ANKRD13C: variants seen among roughly 807,000 people sequenced by gnomAD.
The protein encoded by ANKRD13C is ankyrin repeat domain-containing protein 13C.
ANKRD13C carries 16 observed loss-of-function variants against 65.5 expected under a neutral mutation model. The ratio of observed to expected loss-of-function variants is 0.24; its 90% CI spans 0.17 to 0.37. ANKRD13C has a LOEUF of 0.37. Among genes scored for constraint, ANKRD13C ranks in the 10% least tolerant of loss-of-function variants. The probability of loss-of-function intolerance (pLI) is 1.00; values close to 1 mark genes in which losing one functional copy is unlikely to be tolerated. For synonymous variants in ANKRD13C, 235 were observed against 238.7 expected, an observed-to-expected ratio of 0.98 and a Z score of 0.14; for missense variants, 503 against 655.9, an observed-to-expected ratio of 0.77 and a Z score of 2.55.
At chr1:70,293,614 T>A in intron 8 of ANKRD13C, 1 of 955,400 alleles carries the variant, frequency 1.0e-6, no homozygotes, top group Non-Finnish European at 1.2e-6. Flanking sequence ...AAGTGATCCA[T>A]CTAATGCTGC....
intron 9 of ANKRD13C, among the ~76,000 whole-genome samples, chr1:70,280,687 C>T (rs1218198216): frequency 6.6e-6 from 1 of 152,188 alleles, no homozygotes; most frequent in African/African-American, 2.4e-5. Context: ...ACTATATAAC[C>T]TCAGAGGGTT....
chr1:70,310,205 T>C (rs61782669), intron 5 of ANKRD13C, among the ~76,000 whole-genome samples: 24,576 of 152,182 alleles, frequency 0.16, 2,383 homozygotes, highest in Non-Finnish European at 0.22. Context: ...GAGTGTGCTC[T>C]ACTATCTCAA....
intron 2 of ANKRD13C, among the ~76,000 whole-genome samples, chr1:70,331,294 C>T (rs1230117415): frequency 1.3e-5 from 2 of 150,958 alleles, no homozygotes; most frequent in Admixed American, 1.3e-4. Flanking sequence ...GGCGCAGTGA[C>T]TCACACCTGT....
intron 10 of ANKRD13C, among the ~76,000 whole-genome samples, chr1:70,276,145 C>G (rs1558264731): frequency 1.3e-5 from 2 of 152,004 alleles, no homozygotes; most frequent in Non-Finnish European, 2.9e-5. Context: ...CCAGGATACA[C>G]TTTTTACTTA....
At position 70,274,836 on chromosome 1, in the gene ANKRD13C, A is replaced by C. The variant is rs923988074; in HGVS notation, c.1296-18T>G. On this transcript the variant is annotated intron_variant, in intron 10 of 12. Transcript: ENST00000370944. ...GAGGAGCTCTAAAATGGGAGGAAAA[A>C]AAATGTTAGGAAACTTTTTCCATAG... 6.5e-7 allele frequency: 1 copy of C among 1,549,272 alleles called. No individual in the cohort carries two copies. Among genetic ancestry groups the C allele is most frequent in the African/African-American group, 1.4e-5 (1 of 73,636 alleles).
At chr1:70,346,702 C>T (rs1241727724) in intron 1 of ANKRD13C, among the ~76,000 whole-genome samples, 8 of 152,180 alleles carry the variant, frequency 5.3e-5, no homozygotes, top group Admixed American at 5.2e-4. Context: ...CTTCTATCAG[C>T]TCTATCTTCT....
intron 2 of ANKRD13C, among the ~76,000 whole-genome samples, chr1:70,328,017 A>C (rs1437163143): frequency 1.3e-5 from 2 of 152,148 alleles, no homozygotes; most frequent in Non-Finnish European, 2.9e-5. Flanking sequence ...GTGAGCCGAG[A>C]CTGTACCACT....
At chr1:70,280,701 T>C (rs1457514532) in intron 9 of ANKRD13C, among the ~76,000 whole-genome samples, 5 of 152,204 alleles carry the variant, frequency 3.3e-5, no homozygotes, top group Non-Finnish European at 5.9e-5. Context: ...GAGGGTTTAC[T>C]GTGATGATAA....
chr1:70,329,957 G>A (rs1259751509), intron 2 of ANKRD13C, among the ~76,000 whole-genome samples: 1 of 151,822 alleles, frequency 6.6e-6, no homozygotes, highest in Non-Finnish European at 1.5e-5. Context: ...CAGGGTGGTG[G>A]CACACACCTG....
At chr1:70,297,287 ATTTTTTTT>A (rs748635051) in intron 7 of ANKRD13C, among the ~76,000 whole-genome samples, 2 of 98,826 alleles carry the variant, frequency 2.0e-5, no homozygotes, top group Admixed American at 1.2e-4. Context: ...TCCCTTTCTG[ATTTTTTTT>A]TTTTTTTTTT....
Position 70,324,260 on chromosome 1 carries a change from T to A in ANKRD13C, c.577+593A>T, listed in dbSNP as rs114187052. On this transcript the variant is annotated intron_variant, in intron 3 of 12. Coordinates refer to ENST00000370944, the MANE Select transcript of ANKRD13C (RefSeq NM_030816.5). Reference sequence around the variant, plus strand: ...TCATCCAGATTAAGTTTTGTACAATTTTCCACTATTGAGATATACTTGACA... The same window carrying A: ...TCATCCAGATTAAGTTTTGTACAATATTCCACTATTGAGATATACTTGACA... Among the ~76,000 whole-genome samples the A allele has an allele frequency of 6.0e-3, 919 of 152,286 alleles. 8 individuals are homozygous for A. Among genetic ancestry groups the A allele is most frequent in the African/African-American group, 0.021 (866 of 41,558 alleles).
At chr1:70,345,515 T>C (rs1282609280) in intron 1 of ANKRD13C, among the ~76,000 whole-genome samples, 1 of 152,208 alleles carries the variant, frequency 6.6e-6, no homozygotes. Flanking sequence ...TATTGGTCTG[T>C]CTTGTGCTTT....
At chr1:70,290,432 C>T (rs1056539025) in intron 9 of ANKRD13C, among the ~76,000 whole-genome samples, 2 of 152,144 alleles carry the variant, frequency 1.3e-5, no homozygotes, top group African/African-American at 4.8e-5. Context: ...ATATTACAAT[C>T]CGGCACTCAC....
Position 70,292,418 on chromosome 1 carries a change from T to A in ANKRD13C, c.1185A>T (p.Lys395Asn), listed in dbSNP as rs761908607. Residue 395 changes from lysine to asparagine, a missense_variant, in exon 9 of 13, where the codon AAA (lysine) becomes AAT (asparagine). By Grantham distance (94) the Lys-to-Asn change is moderately conservative. Transcript: ENST00000370944. ...RNKAIMESLS[K>N]GGNIMEQNFE... ...AATTCTGTTCCATTATGTTTCCACC[T>A]TTACTCAAACTCTCCATGATGGCCT... 6 of 1,594,750 alleles carry A rather than the reference T, an allele frequency of 3.8e-6. No individual in the cohort carries two copies. In the Middle Eastern group the frequency reaches 8.3e-4, roughly 222 times the overall value.
intron 1 of ANKRD13C, among the ~76,000 whole-genome samples, chr1:70,345,647 A>G (rs1250489290): frequency 6.6e-6 from 1 of 152,160 alleles, no homozygotes; most frequent in East Asian, 1.9e-4. Flanking sequence ...ATAGCAAAAA[A>G]ACCGTATTTG....
At chr1:70,266,208 C>T (rs1023029353) in intron 12 of ANKRD13C, among the ~76,000 whole-genome samples, 2 of 152,106 alleles carry the variant, frequency 1.3e-5, no homozygotes, top group Admixed American at 6.6e-5. Context: ...GTTTTCACTT[C>T]GAATACTTTA....
At chr1:70,293,611 C>T (rs1272353425) in intron 8 of ANKRD13C, 2 of 957,702 alleles carry the variant, frequency 2.1e-6, no homozygotes, top group Non-Finnish European at 2.5e-6. Flanking sequence ...TTGAAGTGAT[C>T]CATCTAATGC....
At chr1:70,273,758 G>A (rs1210700563) in intron 11 of ANKRD13C, among the ~76,000 whole-genome samples, 1 of 151,846 alleles carries the variant, frequency 6.6e-6, no homozygotes, top group East Asian at 1.9e-4. Context: ...CTTGGTTCAA[G>A]CGATTCTCCT....
chr1:70,302,650 C>T (rs1339504979), intron 6 of ANKRD13C, among the ~76,000 whole-genome samples: 8 of 119,076 alleles, frequency 6.7e-5, no homozygotes, highest in African/African-American at 1.0e-4. Flanking sequence ...GGCGTGAACC[C>T]GGGAGGCGGA....
Sources: allele counts gnomAD v4.1 joint callset (sites outside exome capture counted in the v4.1 genomes callset), GRCh38; gene constraint gnomAD v4.1.1; transcripts MANE v1.5; gene names NCBI Gene and HGNC (gene_info 2026-07-23, HGNC 2026-07-21).